The following SMAD2 variants were observed in gnomAD, a reference collection of about 807,000 sequenced individuals.
SMAD2 encodes the protein SMAD family member 2.
In SMAD2, 8 loss-of-function variants were observed where a neutral mutation model predicts 64.4. That is an observed-to-expected ratio of 0.12 (90% CI 0.07 to 0.22). The LOEUF (loss-of-function observed/expected upper bound fraction) is 0.22, where lower values mean the gene tolerates loss of function less well. SMAD2 is among the 10% of genes least tolerant of loss of function. SMAD2 has a pLI of 1.00. For missense variants in SMAD2, 289 were observed against 561.2 expected, an observed-to-expected ratio of 0.51 and a Z score of 4.90; for synonymous variants, 203 against 195.8, an observed-to-expected ratio of 1.04 and a Z score of -0.31.
In SMAD2 at chr18:47,832,785, A is replaced by C. The variant is rs2144255524; in HGVS notation, c.*9042T>G. ...CATAGATCTTATGTATTAGAGCGCT[A>C]ATGTAGCATAGGCAAACTCTGAAAT... On this transcript the variant is annotated 3_prime_UTR_variant, in exon 11 of 11. Coordinates refer to ENST00000262160, the MANE Select transcript of SMAD2 (RefSeq NM_005901.6). The C allele has an allele frequency of 6.6e-6, 1 of 152,388 alleles. No individual in the cohort carries two copies. The highest frequency in any genetic ancestry group is 2.4e-5 in the African/African-American group (1 of 41,576). 9.4% of individuals were successfully genotyped at this position (152,388 alleles called of 1,614,324 possible).
At chr18:47,845,897 G>T in intron 8 of SMAD2, 97 bp from the exon 9 acceptor site, 1 of 1,052,650 alleles carries the variant, frequency 9.5e-7, no homozygotes, top group Middle Eastern at 2.0e-4. Flanking sequence ...ATGATATAAG[G>T]TATTTCCAGG....
intron 2 of SMAD2, among the ~76,000 whole-genome samples, chr18:47,890,498 C>A (rs1294010833): frequency 3.3e-5 from 5 of 152,150 alleles, no homozygotes; most frequent in Non-Finnish European, 4.4e-5. Flanking sequence ...CTGAATATTT[C>A]CAATAAATCA....
chr18:47,889,425 T>G (rs1340246523), intron 2 of SMAD2, among the ~76,000 whole-genome samples: 8 of 151,384 alleles, frequency 5.3e-5, no homozygotes, highest in Admixed American at 5.3e-4. Flanking sequence ...TTGGGCTGGA[T>G]GGTAAATACT....
chr18:47,866,686 A>C (rs1399364259), intron 5 of SMAD2, among the ~76,000 whole-genome samples: 3 of 152,196 alleles, frequency 2.0e-5, no homozygotes, highest in Non-Finnish European at 4.4e-5. Flanking sequence ...ATAAATAATA[A>C]AGCTATTAGC....
intron 1 of SMAD2, among the ~76,000 whole-genome samples, chr18:47,911,308 G>A (rs1325830503): frequency 2.7e-5 from 4 of 149,940 alleles, no homozygotes; most frequent in Non-Finnish European, 5.9e-5. Flanking sequence ...CCAAAACCAC[G>A]CCACTGCACT....
chr18:47,908,150 T>C (rs569912872), intron 1 of SMAD2, among the ~76,000 whole-genome samples: 1 of 152,332 alleles, frequency 6.6e-6, no homozygotes, highest in South Asian at 2.1e-4. Context: ...TGACCAAAGA[T>C]GTAAGCTTGG....
rs1913606773 is a variant in SMAD2 at position 47,838,106 on chromosome 18, G to C, written c.*3721C>G. On this transcript the variant is annotated 3_prime_UTR_variant, in exon 11 of 11. Coordinates refer to ENST00000262160, the MANE Select transcript of SMAD2 (RefSeq NM_005901.6). ...TTTTATTTGATTTCAACTAGCAAGA[G>C]ACTAAGACTGATGTTTGTTTGTTTG... is the stretch of plus-strand genomic sequence containing the variant. 4.3e-6 allele frequency: 1 copy of C among 232,998 alleles called. No homozygotes were observed. The highest frequency in any genetic ancestry group is 8.5e-6 in the Non-Finnish European group (1 of 117,720). 14.4% of individuals were successfully genotyped at this position (232,998 alleles called of 1,614,324 possible). A position where few individuals can be genotyped will look rare whatever the true frequency, so the allele number is the denominator to read the frequency against.
At position 47,845,456 on chromosome 18, in the gene SMAD2, C is replaced by T. The variant is rs1568034715; in HGVS notation, c.1164G>A (p.Gln388=). The T allele has an allele frequency of 1.9e-6, 3 of 1,613,724 alleles. No individual in the cohort carries two copies. Among genetic ancestry groups the T allele is most frequent in the Non-Finnish European group, 2.5e-6 (3 of 1,179,748 alleles). ...PGCNLKIFNN[Q]EFAALLAQSV... is the part of the protein sequence containing the mutation. ...ACTGAGCCAGAAGAGCAGCAAATTC[C>T]TGGTTGTTGAAGATCTTCAGATTAC... The change falls in exon 10 of 11, where the codon CAG becomes CAA. Residue 388 remains glutamine, a synonymous_variant. Transcript: ENST00000262160.
At chr18:47,891,700 T>C (rs1470799339) in intron 2 of SMAD2, among the ~76,000 whole-genome samples, 3 of 152,022 alleles carry the variant, frequency 2.0e-5, no homozygotes, top group Admixed American at 1.3e-4. Context: ...AGAAATACAC[T>C]TTTTGAAGGC....
chr18:47,879,889 T>C (rs538623403), intron 2 of SMAD2, among the ~76,000 whole-genome samples: 2 of 152,332 alleles, frequency 1.3e-5, no homozygotes, highest in South Asian at 4.1e-4. Context: ...CTGATGATTG[T>C]GCAGTGGTAT....
At chr18:47,869,723 T>C (rs1261936010) in intron 3 of SMAD2, among the ~76,000 whole-genome samples, 1 of 152,202 alleles carries the variant, frequency 6.6e-6, no homozygotes, top group Non-Finnish European at 1.5e-5. Context: ...AGAGAGTTTA[T>C]GCAGTTATAC....
At chr18:47,929,854 T>C (rs961270906) in intron 1 of SMAD2, among the ~76,000 whole-genome samples, 5 of 152,142 alleles carry the variant, frequency 3.3e-5, no homozygotes, top group Non-Finnish European at 5.9e-5. Flanking sequence ...TAAAAACTAA[T>C]AGGCTCCACC....
intron 2 of SMAD2, among the ~76,000 whole-genome samples, chr18:47,891,565 G>T (rs2033194592): frequency 6.6e-6 from 1 of 151,012 alleles, no homozygotes; most frequent in South Asian, 2.1e-4. Flanking sequence ...GCCCGGTATG[G>T]AGTGCAGTGG....
At chr18:47,881,040 A>C (rs1156283656) in intron 2 of SMAD2, among the ~76,000 whole-genome samples, 1 of 152,106 alleles carries the variant, frequency 6.6e-6, no homozygotes, top group Non-Finnish European at 1.5e-5. Flanking sequence ...TTGTGTTGGA[A>C]TTTTACCTAC....
chr18:47,924,341 A>C (rs925073403), intron 1 of SMAD2, among the ~76,000 whole-genome samples: 1 of 152,018 alleles, frequency 6.6e-6, no homozygotes, highest in Non-Finnish European at 1.5e-5. Flanking sequence ...TCAACAAAAG[A>C]GTTTCAATAG....
chr18:47,820,886 A>G lies in SMAD2; in HGVS notation c.*20941T>C, dbSNP rs1179179426. ...ATATACACGATAGTGTAAATGCTAT[A>G]CATGCACTATACACACACACACACA... is the stretch of plus-strand genomic sequence containing the variant. On this transcript the variant is annotated 3_prime_UTR_variant, in exon 11 of 11. Coordinates refer to ENST00000262160, the MANE Select transcript of SMAD2 (RefSeq NM_005901.6). The G allele has an allele frequency of 7.0e-6, 1 of 141,946 alleles. No homozygotes were observed. Among genetic ancestry groups the G allele is most frequent in the East Asian group, 1.9e-4 (1 of 5,146 alleles). 8.8% of individuals were successfully genotyped at this position (141,946 alleles called of 1,614,324 possible). A position where few individuals can be genotyped will look rare whatever the true frequency, so the allele number is the denominator to read the frequency against.
chr18:47,824,051 A>G lies in SMAD2; in HGVS notation c.*17776T>C, dbSNP rs899190082. ...TTTTAACACTGACTTTTAGTTGCCA[A>G]TCACTCCTGCCAATGCAGGATGCAG... On this transcript the variant is annotated 3_prime_UTR_variant, in exon 11 of 11. Transcript: ENST00000262160. 5.9e-5 allele frequency: 9 copies of G among 152,230 alleles called. No homozygotes were observed. The highest frequency in any genetic ancestry group is 2.2e-4 in the African/African-American group (9 of 41,450). The allele number at this position is 152,230 out of a possible 1,614,324, so 9.4% of individuals were successfully genotyped here.
chr18:47,916,403 T>C (rs2144528702), intron 1 of SMAD2, among the ~76,000 whole-genome samples: 1 of 152,042 alleles, frequency 6.6e-6, no homozygotes, highest in South Asian at 2.1e-4. Flanking sequence ...GGTATATTTA[T>C]TTATTTATTT....
At chr18:47,842,801 T>C (rs1045929144) in intron 10 of SMAD2, among the ~76,000 whole-genome samples, 17 of 152,154 alleles carry the variant, frequency 1.1e-4, no homozygotes, top group African/African-American at 3.9e-4. Context: ...AGCAACACCA[T>C]TCGGGCTTTT....
Sources: gnomAD v4.1 joint callset for allele counts (sites outside exome capture counted in the v4.1 genomes callset) on GRCh38, gnomAD v4.1.1 for gene constraint, MANE v1.5 for transcripts, NCBI Gene and HGNC (gene_info 2026-07-23, HGNC 2026-07-21) for gene names.